The following HYKK variants were observed in gnomAD, a reference collection of about 807,000 sequenced individuals.
HYKK encodes the protein 5-hydroxy-L-lysine kinase.
HYKK carries 19 observed loss-of-function variants against 29.7 expected under a neutral mutation model. The observed-to-expected ratio is 0.64, with a 90% CI of 0.45 to 0.94. The LOEUF (loss-of-function observed/expected upper bound fraction) is 0.94. Among genes scored for constraint, HYKK ranks in the 40% least tolerant of loss-of-function variants. The pLI, the probability that HYKK is intolerant of heterozygous loss-of-function variation, is 0.00. For missense variants in HYKK, 390 were observed against 443.4 expected (o/e 0.88, Z 1.08); for synonymous variants, 152 against 158.1 (o/e 0.96, Z 0.29).
At chr15:78,533,152 G>A in intron 4 of HYKK, 58 bp from the exon 5 acceptor site, 1 of 1,074,914 alleles carries the variant, frequency 9.3e-7, no homozygotes, top group Non-Finnish European at 1.4e-6. Flanking sequence ...AAGAGAAATG[G>A]AAGGGGAATG....
At chr15:78,508,880 C>CAAAAAACAA (rs2052041959) in intron 1 of HYKK, among the ~76,000 whole-genome samples, 1 of 55,614 alleles carries the variant, frequency 1.8e-5, no homozygotes, top group Non-Finnish European at 3.1e-5. Context: ...CCTCTCTCTC[C>CAAAAAACAA]AAAAAAAAAA....
intron 4 of HYKK, 21 bp from the exon 5 acceptor site, chr15:78,533,189 A>C: frequency 3.5e-6 from 5 of 1,430,464 alleles, no homozygotes; most frequent in Non-Finnish European, 4.9e-6. Context: ...AACTGTTTTT[A>C]CATGATTTTT....
At chr15:78,514,397 T>A (rs1316234474) in intron 2 of HYKK, among the ~76,000 whole-genome samples, 1 of 152,170 alleles carries the variant, frequency 6.6e-6, no homozygotes, top group African/African-American at 2.4e-5. Context: ...TCTTGAAATT[T>A]TTTTAAAGGT....
chr15:78,534,093 C>G lies in HYKK; in HGVS notation c.*423C>G, dbSNP rs2052338965. On this transcript the variant is annotated 3_prime_UTR_variant, in exon 5 of 5. Coordinates refer to ENST00000388988, the MANE Select transcript of HYKK (RefSeq NM_001013619.4). Reference sequence around the variant, plus strand: ...CATACTACCAGTTCTATGAAACCTCCTCTGATCTCTCCTTTCTCTAGAATC... The same window carrying G: ...CATACTACCAGTTCTATGAAACCTCGTCTGATCTCTCCTTTCTCTAGAATC... 1.3e-5 allele frequency: 2 copies of G among 157,296 alleles called. No individual in the cohort carries two copies. Among genetic ancestry groups the G allele is most frequent in the Non-Finnish European group, 2.8e-5 (2 of 71,668 alleles). 9.7% of individuals were successfully genotyped at this position (157,296 alleles called of 1,614,324 possible). A position where few individuals can be genotyped will look rare whatever the true frequency, so the allele number is the denominator to read the frequency against.
intron 3 of HYKK, among the ~76,000 whole-genome samples, chr15:78,520,661 A>G (rs893096868): frequency 6.6e-6 from 1 of 152,124 alleles, no homozygotes; most frequent in African/African-American, 2.4e-5. Context: ...CACGGCAACC[A>G]TCCGATTTCT....
At chr15:78,517,782 T>C (rs2052151446) in intron 3 of HYKK, among the ~76,000 whole-genome samples, 1 of 152,156 alleles carries the variant, frequency 6.6e-6, no homozygotes, top group Non-Finnish European at 1.5e-5. Flanking sequence ...ACCAATTTAC[T>C]ACTGATCAAA....
intron 3 of HYKK, among the ~76,000 whole-genome samples, chr15:78,515,457 C>A (rs2052121835): frequency 6.6e-6 from 1 of 152,040 alleles, no homozygotes; most frequent in South Asian, 2.1e-4. Flanking sequence ...GTGGCGTGTG[C>A]CTGTAGTCTC....
chr15:78,530,712 A>ATT (rs879868024), intron 4 of HYKK, among the ~76,000 whole-genome samples: 1 of 146,782 alleles, frequency 6.8e-6, no homozygotes, highest in Non-Finnish European at 1.5e-5. Context: ...TGCCCAGCAG[A>ATT]TTTTTTTTTT....
At chr15:78,537,335 TA>T, downstream of HYKK, 1 of 656,454 alleles carries the variant, frequency 1.5e-6, no homozygotes, top group South Asian at 1.8e-5. Context: ...GAAGACCCAG[TA>T]AAGATCTGTT....
Position 78,513,248 on chromosome 15 carries a change from A to G in HYKK, c.160A>G (p.Lys54Glu). 1 of 1,614,226 alleles carries G rather than the reference A, an allele frequency of 6.2e-7. No individual in the cohort carries two copies. Among genetic ancestry groups the G allele is most frequent in the Non-Finnish European group, 8.5e-7 (1 of 1,180,044 alleles). Residue 54 changes from lysine (K) to glutamate (E), a missense_variant, in exon 2 of 5, where the codon AAA becomes GAA. Physicochemically the swap from Lys to Glu is moderately conservative, Grantham distance 56 (BLOSUM62 1). Coordinates refer to ENST00000388988, the MANE Select transcript of HYKK (RefSeq NM_001013619.4). The part of the protein sequence containing the change: ...DDQNFHVYVS[K>E]TKDGPTEYVL... ...CCAAAACTTTCATGTCTACGTTTCA[A>G]AAACCAAAGATGGCCCAACTGAATA...
At chr15:78,512,720 T>G (rs146593630) in intron 1 of HYKK, among the ~76,000 whole-genome samples, 81 of 152,276 alleles carry the variant, frequency 5.3e-4, no homozygotes, top group African/African-American at 1.9e-3. Flanking sequence ...GAATTCTTAC[T>G]GTGACTTAAT....
intron 3 of HYKK, among the ~76,000 whole-genome samples, chr15:78,523,873 C>T (rs1444141310): frequency 1.3e-5 from 2 of 152,248 alleles, no homozygotes; most frequent in African/African-American, 4.8e-5. Flanking sequence ...CCATGTCCCA[C>T]ATCCAAGGCA....
In HYKK at chr15:78,513,327, T is replaced by G; in HGVS notation, c.239T>G (p.Val80Gly). 6.2e-7 allele frequency: 1 copy of G among 1,614,206 alleles called. No individual in the cohort carries two copies. Among genetic ancestry groups the G allele is most frequent in the Non-Finnish European group, 8.5e-7 (1 of 1,180,022 alleles). Residue 80 changes from valine to glycine, a missense_variant, in exon 2 of 5, where the codon GTG becomes GGG. Val to Gly is a moderately radical substitution (Grantham distance 109). Transcript: ENST00000388988. The part of the protein sequence containing the change: ...KASKNPDLIE[V>G]QNHIIMFLKA... Reference sequence around the variant, plus strand: ...AGCAAAAATCCAGACCTGATTGAAGTGCAGAATCACATCATCATGTTTCTG... The same window carrying G: ...AGCAAAAATCCAGACCTGATTGAAGGGCAGAATCACATCATCATGTTTCTG...
At chr15:78,507,732 G>C (rs2052027646) in intron 1 of HYKK, 61 bp downstream of exon 1, 1 of 152,346 alleles carries the variant, frequency 6.6e-6, no homozygotes, top group African/African-American at 2.4e-5. Flanking sequence ...AGTCGGGGTC[G>C]CCCCCGAGGG....
At position 78,515,073 on chromosome 15, in the gene HYKK, G is replaced by C; in HGVS notation, c.443G>C (p.Gly148Ala). 1 of 1,597,244 alleles carries C rather than the reference G, an allele frequency of 6.3e-7. No individual in the cohort carries two copies. Among genetic ancestry groups the C allele is most frequent in the Non-Finnish European group, 8.5e-7 (1 of 1,170,978 alleles). The change falls in exon 3 of 5, where the codon GGA becomes GCA. Residue 148 changes from glycine to alanine, a missense_variant. Gly to Ala is a moderately conservative substitution (Grantham distance 60). Transcript: ENST00000388988. ...AGCCCCCAGCTATTGTATGAAATTG[G>C]AAAACTAGCTGCCAAATTGGATAAG... ...PVSPQLLYEI[G>A]KLAAKLDKTL...
At position 78,514,908 on chromosome 15, in the gene HYKK, C is replaced by CTCTCTCTCTATATATATA. The variant is rs766004199; in HGVS notation, c.338-59_338-58insCTCTCTCTATATATATAT. 1.2e-4 allele frequency: 46 copies of CTCTCTCTCTATATATATA among 385,480 alleles called. No individual in the cohort carries two copies. In the East Asian group the frequency reaches 2.6e-3, roughly 22 times the overall value. The allele number at this position is 385,480 out of a possible 1,614,324, so 23.9% of individuals were successfully genotyped here. ...TAAATACCTCTCTCTCTCTCTCTCT[C>CTCTCTCTCTATATATATA]TATATATATATATATATATAAATAA... is the stretch of plus-strand genomic sequence containing the variant. On this transcript the variant is annotated intron_variant, in intron 2 of 4. Coordinates refer to ENST00000388988, the MANE Select transcript of HYKK (RefSeq NM_001013619.4).
chr15:78,537,213 A>G (rs115293488), downstream of HYKK: 1,014 of 493,410 alleles, frequency 2.1e-3, 6 homozygotes, highest in African/African-American at 0.018. Flanking sequence ...TTATCTACCT[A>G]TCCATCCTTC....
intron 3 of HYKK, among the ~76,000 whole-genome samples, chr15:78,525,913 A>G (rs1170145916): frequency 1.3e-5 from 2 of 152,240 alleles, no homozygotes; most frequent in African/African-American, 2.4e-5. Flanking sequence ...GATGTAAAAT[A>G]TATTTCTTAC....
Position 78,515,015 on chromosome 15 carries a change from C to T in HYKK, c.385C>T (p.Leu129Phe), listed in dbSNP as rs1226904615. The change falls in exon 3 of 5, where the codon CTC becomes TTC. Residue 129 changes from leucine to phenylalanine, a missense_variant. Coordinates refer to ENST00000388988, the MANE Select transcript of HYKK (RefSeq NM_001013619.4). ...KSYLVRLLTY[L>F]PGRPIAELPV... ...CTACTTGGTGAGGCTGCTGACTTAC[C>T]TCCCAGGAAGACCCATCGCTGAGCT... 2 of 1,598,150 alleles carry T rather than the reference C, an allele frequency of 1.3e-6. No homozygotes were observed. The highest frequency in any genetic ancestry group is 1.7e-5 in the Admixed American group (1 of 58,950).
Sources: gnomAD v4.1 joint callset for allele counts (sites outside exome capture counted in the v4.1 genomes callset) on GRCh38, gnomAD v4.1.1 for gene constraint, MANE v1.5 for transcripts, NCBI Gene and HGNC (gene_info 2026-07-23, HGNC 2026-07-21) for gene names.